XPR1: variants seen among roughly 807,000 people sequenced by gnomAD.
The protein encoded by XPR1 is solute carrier family 53 member 1.
Under a neutral mutation model 87.5 loss-of-function variants are expected in XPR1, and 28 were observed. The ratio of observed to expected loss-of-function variants is 0.32; its 90% CI spans 0.24 to 0.44. The LOEUF (loss-of-function observed/expected upper bound fraction) is 0.44, where lower values mean the gene tolerates loss of function less well. Ranked by LOEUF, XPR1 falls within the 20% of genes least tolerant of loss-of-function variation. The pLI is 1.00. For missense variants in XPR1, 559 were observed against 862.3 expected (o/e 0.65, Z 4.41); for synonymous variants, 300 against 306.1 (o/e 0.98, Z 0.21).
At chr1:180,756,210 T>C (rs1268352655) in intron 2 of XPR1, among the ~76,000 whole-genome samples, 1 of 152,216 alleles carries the variant, frequency 6.6e-6, no homozygotes, top group Non-Finnish European at 1.5e-5. Flanking sequence ...TGAGGCGCAT[T>C]TTACAAAATA....
chr1:180,795,508 A>G (rs560175753), intron 3 of XPR1, among the ~76,000 whole-genome samples: 2 of 152,308 alleles, frequency 1.3e-5, no homozygotes, highest in South Asian at 2.1e-4. Flanking sequence ...TTTCATCAAT[A>G]TTATAAAATT....
intron 2 of XPR1, among the ~76,000 whole-genome samples, chr1:180,732,797 G>A (rs1299003314): frequency 6.6e-6 from 1 of 152,228 alleles, no homozygotes; most frequent in African/African-American, 2.4e-5. Context: ...AAGGACAGAG[G>A]TCTTTCTGTA....
At chr1:180,791,531 T>A (rs1241374910) in intron 3 of XPR1, among the ~76,000 whole-genome samples, 1 of 152,112 alleles carries the variant, frequency 6.6e-6, no homozygotes, top group African/African-American at 2.4e-5. Flanking sequence ...CCCACCTTGG[T>A]CTCCCAAAGT....
At position 180,658,175 on chromosome 1, in the gene XPR1, A is replaced by G. The variant is rs139085439; in HGVS notation, c.70-24185A>G. ...TTACTGCATTTGTTTAGCAATTCTA[A>G]TAGTCTTTTCGGTGGAATGTTTAGG... On this transcript the variant is annotated intron_variant, in intron 1 of 14. Transcript: ENST00000367590. 3.5e-3 allele frequency among the ~76,000 whole-genome samples: 526 copies of G among 152,312 alleles called. 4 individuals carry two copies. Among genetic ancestry groups the G allele is most frequent in the African/African-American group, 0.012 (517 of 41,568 alleles).
At chr1:180,862,759 ATGAT>A (rs1652264228) in intron 11 of XPR1, among the ~76,000 whole-genome samples, 1 of 152,176 alleles carries the variant, frequency 6.6e-6, no homozygotes, top group African/African-American at 2.4e-5. Context: ...TGAACGATGC[ATGAT>A]ATATCCTTCA....
At position 180,774,437 on chromosome 1, in the gene XPR1, C is replaced by T. The variant is rs539901416; in HGVS notation, c.122-13316C>T. Among the ~76,000 whole-genome samples the T allele has an allele frequency of 2.2e-4, 28 of 126,216 alleles. No homozygotes were observed. The East Asian group carries it at 5.5e-3, about 25-fold the overall frequency. 82.8% of individuals were successfully genotyped at this position (126,216 alleles called of 152,430 possible). On this transcript the variant is annotated intron_variant, in intron 2 of 14. Coordinates refer to ENST00000367590, the MANE Select transcript of XPR1 (RefSeq NM_004736.4). Reference sequence around the variant, plus strand: ...TGGAAGTCTTGGTCTGTCGCCCAGGCTGGAGTGCAGTGGCGTGATCTCGGC... The same window carrying T: ...TGGAAGTCTTGGTCTGTCGCCCAGGTTGGAGTGCAGTGGCGTGATCTCGGC...
At chr1:180,691,680 G>A (rs550183367) in intron 2 of XPR1, among the ~76,000 whole-genome samples, 2 of 152,162 alleles carry the variant, frequency 1.3e-5, no homozygotes, top group South Asian at 2.1e-4. Context: ...ATTCTGCTTG[G>A]TTAGCAGATG....
At chr1:180,848,885 A>G (rs566718258) in intron 11 of XPR1, among the ~76,000 whole-genome samples, 12 of 152,174 alleles carry the variant, frequency 7.9e-5, no homozygotes, top group Non-Finnish European at 1.2e-4. Flanking sequence ...GCAAAAAATA[A>G]TTCAGTGTTA....
chr1:180,735,184 A>G (rs987299841), intron 2 of XPR1, among the ~76,000 whole-genome samples: 18 of 152,226 alleles, frequency 1.2e-4, no homozygotes, highest in Non-Finnish European at 2.2e-4. Context: ...GTCCAAGTCT[A>G]TTTGAAAACT....
At chr1:180,784,326 G>A (rs1558006648) in intron 2 of XPR1, among the ~76,000 whole-genome samples, 1 of 151,910 alleles carries the variant, frequency 6.6e-6, no homozygotes, top group African/African-American at 2.4e-5. Context: ...GCATTTATAT[G>A]ACATCTGGCA....
chr1:180,825,666 TGTGA>T (rs756310985), intron 9 of XPR1, among the ~76,000 whole-genome samples: 8 of 152,248 alleles, frequency 5.3e-5, no homozygotes, highest in African/African-American at 4.8e-5. Flanking sequence ...GTTAAGTTGA[TGTGA>T]GTATCAACCG....
chr1:180,768,394 C>T (rs1648373669), intron 2 of XPR1, among the ~76,000 whole-genome samples: 2 of 152,168 alleles, frequency 1.3e-5, no homozygotes, highest in Admixed American at 1.3e-4. Flanking sequence ...CCCTCAAGTC[C>T]CATAATGGCA....
chr1:180,857,546 T>G (rs1652077602), intron 11 of XPR1, among the ~76,000 whole-genome samples: 1 of 152,150 alleles, frequency 6.6e-6, no homozygotes, highest in Non-Finnish European at 1.5e-5. Context: ...TCAAGTCCTT[T>G]CATGATTCAG....
intron 2 of XPR1, among the ~76,000 whole-genome samples, chr1:180,751,296 C>A (rs1333000004): frequency 6.6e-6 from 1 of 151,900 alleles, no homozygotes; most frequent in Non-Finnish European, 1.5e-5. Context: ...TATCTTTTGT[C>A]TAATCATTAA....
intron 2 of XPR1, among the ~76,000 whole-genome samples, chr1:180,749,585 A>T (rs1242063991): frequency 6.6e-6 from 1 of 151,410 alleles, no homozygotes; most frequent in Non-Finnish European, 1.5e-5. Flanking sequence ...TAGTTTGTAA[A>T]TTATGTGCTG....
At chr1:180,667,894 T>C (rs1656016362) in intron 1 of XPR1, among the ~76,000 whole-genome samples, 1 of 140,074 alleles carries the variant, frequency 7.1e-6, no homozygotes, top group Admixed American at 6.8e-5. Flanking sequence ...AGTACTCTTT[T>C]ATAATACTTT....
chr1:180,667,969 C>T (rs1656018829), intron 1 of XPR1, among the ~76,000 whole-genome samples: 1 of 151,890 alleles, frequency 6.6e-6, no homozygotes. Flanking sequence ...TTTGTGTCTT[C>T]TCTCTTTTAT....
At chr1:180,674,512 G>C (rs978272510) in intron 1 of XPR1, among the ~76,000 whole-genome samples, 12 of 152,022 alleles carry the variant, frequency 7.9e-5, no homozygotes, top group African/African-American at 1.2e-4. Flanking sequence ...ACCCTCCTCG[G>C]CCTCCAAAAG....
chr1:180,691,028 A>C (rs918760558), intron 2 of XPR1, among the ~76,000 whole-genome samples: 1 of 152,060 alleles, frequency 6.6e-6, no homozygotes, highest in African/African-American at 2.4e-5. Flanking sequence ...GTTGTTTTAC[A>C]GTACTGGCAT....
Sources: gnomAD v4.1 joint callset for allele counts (sites outside exome capture counted in the v4.1 genomes callset) on GRCh38, gnomAD v4.1.1 for gene constraint, MANE v1.5 for transcripts, NCBI Gene and HGNC (gene_info 2026-07-23, HGNC 2026-07-21) for gene names.